Variants in TENM2 observed in about 807,000 individuals in gnomAD.
TENM2 encodes the protein teneurin-2.
In TENM2, 52 loss-of-function variants were observed where a neutral mutation model predicts 245.2. The observed-to-expected ratio is 0.21, with a 90% confidence interval of 0.17 to 0.27. The LOEUF (loss-of-function observed/expected upper bound fraction) is 0.27, where lower values mean the gene tolerates loss of function less well. Among genes scored for constraint, TENM2 ranks in the 10% least tolerant of loss-of-function variants. The pLI is 1.00. For missense variants in TENM2, 3,046 were observed against 3,666.8 expected (o/e 0.83, Z 4.37); for synonymous variants, 1,363 against 1,438.9 (o/e 0.95, Z 1.19).
chr5:168,256,573 G>A (rs944889776), intron 27 of TENM2, among the ~76,000 whole-genome samples: 2 of 151,930 alleles, frequency 1.3e-5, no homozygotes, highest in African/African-American at 2.4e-5. Context: ...TTACAGCTGC[G>A]TGCACCACGC....
At position 168,099,213 on chromosome 5, in the gene TENM2, T is replaced by G. The variant is rs533663244; in HGVS notation, c.1813+1086T>G. On this transcript the variant is annotated intron_variant, in intron 9 of 28. Coordinates refer to ENST00000518659, the Ensembl canonical transcript of TENM2. ...GCATGAGCCACTGTGCCCGGCCTCG[T>G]TTTTTTTTAATACCAGTTATTACCC... is the stretch of plus-strand genomic sequence containing the variant. Among the ~76,000 whole-genome samples the G allele has an allele frequency of 2.0e-5, 3 of 151,248 alleles. No homozygotes were observed. The East Asian group carries it at 5.8e-4, about 29-fold the overall frequency.
chr5:168,118,652 T>C (rs1581364764), intron 10 of TENM2, among the ~76,000 whole-genome samples, 166 bp downstream of exon 12: 1 of 152,208 alleles, frequency 6.6e-6, no homozygotes, highest in African/African-American at 2.4e-5. Context: ...TCTTTGGTTG[T>C]AGAACAAGAA....
intron 2 of TENM2, among the ~76,000 whole-genome samples, chr5:167,847,039 C>G (rs1013883366): frequency 6.6e-6 from 1 of 152,216 alleles, no homozygotes; most frequent in Non-Finnish European, 1.5e-5. Context: ...TCACTGCAGT[C>G]TCAACCTCCT....
intron 3 of TENM2, among the ~76,000 whole-genome samples, chr5:167,913,424 G>C (rs534943390): frequency 6.6e-6 from 1 of 152,270 alleles, no homozygotes; most frequent in Middle Eastern, 3.4e-3. Flanking sequence ...TTATGCAGAC[G>C]CTCTTTTTAT....
intron 2 of TENM2, among the ~76,000 whole-genome samples, chr5:167,722,886 C>A (rs932915238): frequency 6.6e-6 from 1 of 152,156 alleles, no homozygotes; most frequent in African/African-American, 2.4e-5. Flanking sequence ...CAGAAAATGT[C>A]TTTGTCCAAT....
chr5:167,866,495 C>A (rs1481947042), intron 2 of TENM2, among the ~76,000 whole-genome samples: 1 of 118,002 alleles, frequency 8.5e-6, no homozygotes, highest in Non-Finnish European at 1.6e-5. Flanking sequence ...GAGACTCCAT[C>A]TCAAAAAAAA....
At chr5:167,530,218 G>A (rs535735539) in intron 2 of TENM2, among the ~76,000 whole-genome samples, 6 of 152,096 alleles carry the variant, frequency 3.9e-5, no homozygotes, top group Non-Finnish European at 5.9e-5. Flanking sequence ...GTGACAGATC[G>A]GATTTTAAAA....
intron 2 of TENM2, among the ~76,000 whole-genome samples, chr5:167,609,515 A>AAAAAAAAAAAAAG (rs1582533515): frequency 4.6e-5 from 4 of 87,762 alleles, no homozygotes; most frequent in Admixed American, 1.2e-4. Flanking sequence ...AAAAAAAACA[A>AAAAAAAAAAAAAG]AACCTTACCT....
intron 2 of TENM2, among the ~76,000 whole-genome samples, chr5:167,790,862 A>G (rs367546701): frequency 1.3e-5 from 2 of 152,138 alleles, no homozygotes; most frequent in African/African-American, 4.8e-5. Context: ...TTCTCCATCA[A>G]ATGCTTTCTA....
chr5:167,341,356 A>T (rs1758087316), intron 1 of TENM2, among the ~76,000 whole-genome samples: 1 of 152,010 alleles, frequency 6.6e-6, no homozygotes. Flanking sequence ...TTTCCAAACT[A>T]CCGGGATATC....
intron 1 of TENM2, among the ~76,000 whole-genome samples, chr5:167,368,347 A>G (rs1362397564): frequency 1.3e-5 from 2 of 152,136 alleles, no homozygotes; most frequent in African/African-American, 4.8e-5. Context: ...TAGTCATGTT[A>G]CAGCAAAATT....
At chr5:167,012,516 T>C in the TENM2 span, among the ~76,000 whole-genome samples, 1 of 152,246 alleles carries the variant, frequency 6.6e-6, no homozygotes, top group East Asian at 1.9e-4. Flanking sequence ...GGTTTATTAG[T>C]GTAGGGAAGA....
chr5:167,312,976 C>T (rs1236071709), intron 1 of TENM2, among the ~76,000 whole-genome samples: 1 of 151,232 alleles, frequency 6.6e-6, no homozygotes, highest in Non-Finnish European at 1.5e-5. Flanking sequence ...GATCTCAGCT[C>T]ACTGCAACCT....
intron 2 of TENM2, among the ~76,000 whole-genome samples, chr5:167,624,203 T>G (rs1778356453): frequency 6.6e-6 from 1 of 152,140 alleles, no homozygotes; most frequent in Non-Finnish European, 1.5e-5. Context: ...GTAAAGAAAC[T>G]GTGGAACATA....
chr5:167,594,902 GTTGA>G (rs1266508721), intron 2 of TENM2, among the ~76,000 whole-genome samples: 1 of 152,166 alleles, frequency 6.6e-6, no homozygotes, highest in Non-Finnish European at 1.5e-5. Flanking sequence ...GAAGTGAAAG[GTTGA>G]TTGTTTCTGG....
intron 27 of TENM2, among the ~76,000 whole-genome samples, chr5:168,255,629 T>G (rs1767581860): frequency 1.3e-5 from 2 of 151,830 alleles, no homozygotes; most frequent in South Asian, 4.1e-4. Context: ...AATCTCCCTT[T>G]TCAACAGAGA....
At chr5:167,843,554 T>C (rs1433611519) in intron 2 of TENM2, among the ~76,000 whole-genome samples, 1 of 152,178 alleles carries the variant, frequency 6.6e-6, no homozygotes, top group Non-Finnish European at 1.5e-5. Context: ...TTCTTAATAT[T>C]TGTAGGGTTG....
At chr5:168,222,495 A>G (rs77739941) in intron 23 of TENM2, among the ~76,000 whole-genome samples, 2 of 152,366 alleles carry the variant, frequency 1.3e-5, no homozygotes, top group East Asian at 3.9e-4. Flanking sequence ...GAGTGATTTT[A>G]CAGAATAAGC....
At chr5:167,324,184 T>A in intron 1 of TENM2, among the ~76,000 whole-genome samples, 1 of 152,198 alleles carries the variant, frequency 6.6e-6, no homozygotes, top group Non-Finnish European at 1.5e-5. Context: ...TTGTAGAAGC[T>A]CAATCAATGA....
Sources: gnomAD v4.1 joint callset for allele counts (sites outside exome capture counted in the v4.1 genomes callset) on GRCh38, gnomAD v4.1.1 for gene constraint, MANE v1.5 for transcripts, NCBI Gene and HGNC (gene_info 2026-07-23, HGNC 2026-07-21) for gene names.